The following CORO1C variants were observed in gnomAD, a reference collection of about 807,000 sequenced individuals.
CORO1C encodes the protein coronin-1C.
CORO1C carries 14 observed loss-of-function variants against 51.2 expected under a neutral mutation model. The observed-to-expected ratio is 0.27, with a 90% CI of 0.18 to 0.43. The LOEUF is 0.43. CORO1C is among the 20% of genes least tolerant of loss of function. CORO1C has a pLI of 1.00. For missense variants in CORO1C, 417 were observed against 607.8 expected (o/e 0.69, Z 3.30); for synonymous variants, 181 against 210.5 (o/e 0.86, Z 1.21).
At chr12:108,700,127 C>T (rs1191263387) in intron 2 of CORO1C, among the ~76,000 whole-genome samples, 1 of 151,742 alleles carries the variant, frequency 6.6e-6, no homozygotes, top group African/African-American at 2.4e-5. Flanking sequence ...TGAGATGTAC[C>T]CTGAATATAA....
chr12:108,700,080 A>G (rs368923856), intron 2 of CORO1C, among the ~76,000 whole-genome samples: 61 of 152,326 alleles, frequency 4.0e-4, no homozygotes, highest in African/African-American at 1.4e-3. Flanking sequence ...AATTCACTTT[A>G]TTGTAACCAC....
chr12:108,700,393 T>C (rs2034829820), intron 2 of CORO1C, among the ~76,000 whole-genome samples: 1 of 152,178 alleles, frequency 6.6e-6, no homozygotes, highest in Non-Finnish European at 1.5e-5. Context: ...TGATCTGCAG[T>C]ATTCATGATT....
chr12:108,713,929 T>G (rs2035255641), intron 1 of CORO1C, among the ~76,000 whole-genome samples: 1 of 152,208 alleles, frequency 6.6e-6, no homozygotes, highest in Admixed American at 6.5e-5. Flanking sequence ...GCCTACACTT[T>G]ATAAATATGA....
At chr12:108,651,094 G>A (rs2032627511) in intron 8 of CORO1C, among the ~76,000 whole-genome samples, 1 of 152,182 alleles carries the variant, frequency 6.6e-6, no homozygotes, top group African/African-American at 2.4e-5. Flanking sequence ...TGGGATTACA[G>A]GCACCCACGA....
At chr12:108,696,030 G>A (rs1018830471) in intron 2 of CORO1C, among the ~76,000 whole-genome samples, 4 of 152,088 alleles carry the variant, frequency 2.6e-5, no homozygotes, top group African/African-American at 4.8e-5. Flanking sequence ...GAGAAACACA[G>A]TTGTGTATAA....
intron 1 of CORO1C, chr12:108,701,558 A>G (rs1227488904): frequency 1.3e-5 from 7 of 556,830 alleles, no homozygotes; most frequent in East Asian, 3.3e-5. Flanking sequence ...TTCAAGATCC[A>G]GAAACAGCTC....
At chr12:108,706,642 T>G (rs985569618) in intron 1 of CORO1C, among the ~76,000 whole-genome samples, 9 of 152,146 alleles carry the variant, frequency 5.9e-5, no homozygotes, top group Non-Finnish European at 1.5e-5. Context: ...TCACCCAGGG[T>G]GGAGCGCAGT....
intron 1 of CORO1C, among the ~76,000 whole-genome samples, chr12:108,712,592 A>G (rs1336439336): frequency 7.2e-6 from 1 of 138,150 alleles, no homozygotes; most frequent in Non-Finnish European, 1.6e-5. Flanking sequence ...AAAAAAAAAA[A>G]GGAAGTGGGA....
At chr12:108,713,898 T>G (rs1337566381) in intron 1 of CORO1C, among the ~76,000 whole-genome samples, 1 of 151,998 alleles carries the variant, frequency 6.6e-6, no homozygotes, top group African/African-American at 2.4e-5. Context: ...GTGTAACACT[T>G]TAAATGTGAA....
intron 2 of CORO1C, among the ~76,000 whole-genome samples, chr12:108,694,326 C>CT (rs1555220663): frequency 2.7e-5 from 4 of 149,500 alleles, no homozygotes; most frequent in Non-Finnish European, 5.9e-5. Context: ...CCACAGGTCG[C>CT]TGCACATGCA....
chr12:108,706,196 C>A (rs11114034), intron 1 of CORO1C, among the ~76,000 whole-genome samples: 74,526 of 137,182 alleles, frequency 0.54, 21,375 homozygotes, highest in East Asian at 0.98. Flanking sequence ...CAAAAAAAAA[C>A]AAAAAAAACA....
At chr12:108,680,946 C>T (rs1288092403) in intron 2 of CORO1C, among the ~76,000 whole-genome samples, 1 of 152,204 alleles carries the variant, frequency 6.6e-6, no homozygotes, top group Admixed American at 6.5e-5. Context: ...TCCTATTTTA[C>T]ATAATTATTA....
At chr12:108,674,552 TA>T (rs60922936) in intron 3 of CORO1C, among the ~76,000 whole-genome samples, 63,550 of 132,592 alleles carry the variant, frequency 0.48, 14,408 homozygotes, top group South Asian at 0.68. Context: ...CGTCTCAATT[TA>T]AAAAAAAAAA....
At chr12:108,730,420 C>A (rs1165426346) in intron 1 of CORO1C, 2 of 152,310 alleles carry the variant, frequency 1.3e-5, no homozygotes, top group East Asian at 1.9e-4. Context: ...CCTGCCACTT[C>A]CCCCAACACA....
At position 108,707,665 on chromosome 12, in the gene CORO1C, C is replaced by T. The variant is rs531291594; in HGVS notation, c.-5-6342G>A. On this transcript the variant is annotated intron_variant, in intron 1 of 10. Transcript: ENST00000261401. ...TCCATCAAAATTTATAAACTTTATG[C>T]CTCAAAGGACACTATCAAGAAATCG... Among the ~76,000 whole-genome samples the T allele has an allele frequency of 4.1e-4, 63 of 152,194 alleles. 1 individual carries two copies. In the South Asian group the frequency reaches 0.013, roughly 32 times the overall value.
At chr12:108,679,824 C>CT (rs1378510761) in intron 2 of CORO1C, among the ~76,000 whole-genome samples, 1 of 152,230 alleles carries the variant, frequency 6.6e-6, no homozygotes, top group East Asian at 1.9e-4. Flanking sequence ...TGTAATCTCT[C>CT]TAAGCTTCAC....
At chr12:108,711,129 A>G (rs2035166717) in intron 1 of CORO1C, among the ~76,000 whole-genome samples, 2 of 152,234 alleles carry the variant, frequency 1.3e-5, no homozygotes, top group African/African-American at 4.8e-5. Context: ...CTGGGAGGAC[A>G]AGGCAGGAGG....
At chr12:108,670,052 C>T (rs2136822932) in intron 3 of CORO1C, among the ~76,000 whole-genome samples, 1 of 152,292 alleles carries the variant, frequency 6.6e-6, no homozygotes, top group Middle Eastern at 3.4e-3. Flanking sequence ...GAGAGAATCT[C>T]AGTGGCAGCA....
intron 6 of CORO1C, among the ~76,000 whole-genome samples, chr12:108,654,678 C>T (rs1273840125): frequency 1.3e-5 from 2 of 151,842 alleles, no homozygotes. Flanking sequence ...TGAGAAAGCC[C>T]TTCTCCTTTG....
Sources: gnomAD v4.1 joint callset for allele counts (sites outside exome capture counted in the v4.1 genomes callset) on GRCh38, gnomAD v4.1.1 for gene constraint, MANE v1.5 for transcripts, NCBI Gene and HGNC (gene_info 2026-07-23, HGNC 2026-07-21) for gene names.